Variants in POU2F1 observed in about 807,000 individuals in gnomAD.
The protein encoded by POU2F1 is POU class 2 homeobox 1.
In POU2F1, 16 loss-of-function variants were observed where a neutral mutation model predicts 84.9. That is an observed-to-expected ratio of 0.19 (90% confidence interval 0.13 to 0.29). The LOEUF is 0.29. POU2F1 is among the 10% of genes least tolerant of loss of function. POU2F1 has a pLI of 1.00. For missense variants in POU2F1, 738 were observed against 942.6 expected (o/e 0.78, Z 2.84); for synonymous variants, 368 against 368.3 (o/e 1.00, Z 0.01).
At chr1:167,251,415 AAAT>A (rs145800862) in intron 1 of POU2F1, among the ~76,000 whole-genome samples, 3,853 of 138,452 alleles carry the variant, frequency 0.028, 158 homozygotes, top group African/African-American at 0.1. Flanking sequence ...ACAAACAAAT[AAAT>A]AAATAAATAA....
intron 1 of POU2F1, among the ~76,000 whole-genome samples, chr1:167,327,097 G>A (rs1320136851): frequency 6.6e-6 from 1 of 152,000 alleles, no homozygotes; most frequent in Non-Finnish European, 1.5e-5. Flanking sequence ...TTTGAAATTT[G>A]TGTTCTCTTC....
In POU2F1 at chr1:167,374,267, C is replaced by T. The variant is rs141125384; in HGVS notation, c.562C>T (p.Pro188Ser). ...TGCTGCCACGCCCATGACGCAGATC[C>T]CCCTGTCTCAGCCCATACAGATCGC... ...ASAATPMTQI[P>S]LSQPIQIAQD... The change falls in exon 6 of 16, where the codon CCC becomes TCC. Residue 188 changes from proline (P) to serine (S), a missense_variant. Coordinates refer to ENST00000367866, the MANE Select transcript of POU2F1 (RefSeq NM_002697.4). 6.2e-7 allele frequency: 1 copy of T among 1,612,746 alleles called. No homozygotes were observed.
At position 167,361,404 on chromosome 1, in the gene POU2F1, A is replaced by C. The variant is rs535538037; in HGVS notation, c.128-4063A>C. 3.0e-4 allele frequency among the ~76,000 whole-genome samples: 45 copies of C among 152,186 alleles called. 1 individual carries two copies. The South Asian group carries it at 9.3e-3, about 32-fold the overall frequency. ...ATAAAGGGATGTTAGATTTTATTGA[A>C]TGCTTTTTTCTGGTTCTATTGTGAT... On this transcript the variant is annotated intron_variant, in intron 2 of 15. Coordinates refer to ENST00000367866, the MANE Select transcript of POU2F1 (RefSeq NM_002697.4).
At chr1:167,350,813 A>G (rs1395124983) in intron 2 of POU2F1, among the ~76,000 whole-genome samples, 2 of 152,130 alleles carry the variant, frequency 1.3e-5, no homozygotes, top group Non-Finnish European at 2.9e-5. Flanking sequence ...AGCCTGACCA[A>G]CATGGAGAAA....
In POU2F1 at chr1:167,418,462, CATA is replaced by C. The variant is rs1403488478; in HGVS notation, c.*2658_*2660del. ...GGCTATCAGTAATGCTGTAGCTGCCCATAATAATGAGTCCCTCCCTTGGGAGTG... is the reference window on the plus strand; with the variant it reads ...GGCTATCAGTAATGCTGTAGCTGCCCATAATGAGTCCCTCCCTTGGGAGTG... On this transcript the variant is annotated 3_prime_UTR_variant, in exon 16 of 16. Transcript: ENST00000367866. The C allele has an allele frequency of 6.6e-6, 1 of 152,150 alleles. No homozygotes were observed. The highest frequency in any genetic ancestry group is 1.9e-4 in the East Asian group (1 of 5,194). The allele number at this position is 152,150 out of a possible 1,614,324, so 9.4% of individuals were successfully genotyped here. A position where few individuals can be genotyped will look rare whatever the true frequency, so the allele number is the denominator to read the frequency against.
intron 1 of POU2F1, among the ~76,000 whole-genome samples, chr1:167,295,494 T>C (rs887957387): frequency 1.3e-5 from 2 of 152,160 alleles, no homozygotes; most frequent in Non-Finnish European, 2.9e-5. Flanking sequence ...TGCAAGTGCA[T>C]ACAGTGATAT....
intron 1 of POU2F1, among the ~76,000 whole-genome samples, chr1:167,325,715 C>A (rs530109379): frequency 9.9e-4 from 151 of 152,054 alleles, no homozygotes; most frequent in Non-Finnish European, 1.8e-3. Flanking sequence ...CATGGTGAAA[C>A]CCGTCTCTAC....
chr1:167,263,661 A>C (rs185535632), intron 1 of POU2F1, among the ~76,000 whole-genome samples: 1 of 152,200 alleles, frequency 6.6e-6, no homozygotes, highest in Non-Finnish European at 1.5e-5. Flanking sequence ...CAAAGCCTTC[A>C]GTATCTCTCC....
At chr1:167,385,001 A>G (rs1041740210) in intron 8 of POU2F1, among the ~76,000 whole-genome samples, 2 of 152,188 alleles carry the variant, frequency 1.3e-5, no homozygotes, top group African/African-American at 4.8e-5. Context: ...TGAGCTTAGC[A>G]AGTATGATAC....
chr1:167,277,689 A>G (rs568113853), intron 1 of POU2F1, among the ~76,000 whole-genome samples: 141 of 152,128 alleles, frequency 9.3e-4, no homozygotes, highest in African/African-American at 3.3e-3. Context: ...ACGACCCAGC[A>G]ATTATATCTA....
intron 3 of POU2F1, among the ~76,000 whole-genome samples, chr1:167,369,402 G>A (rs1022235598): frequency 6.6e-6 from 1 of 152,128 alleles, no homozygotes; most frequent in African/African-American, 2.4e-5. Flanking sequence ...TATCATTGGA[G>A]ACATAGCTGA....
chr1:167,365,410 A>T, intron 2 of POU2F1, 57 bp from the exon 3 acceptor site: 1 of 1,317,758 alleles, frequency 7.6e-7, no homozygotes, highest in Non-Finnish European at 1.0e-6. Flanking sequence ...ACTGAAATCT[A>T]GTGCTTTATT....
intron 1 of POU2F1, among the ~76,000 whole-genome samples, chr1:167,253,410 C>T (rs1650888178): frequency 7.2e-6 from 1 of 138,888 alleles, no homozygotes; most frequent in Non-Finnish European, 1.5e-5. Context: ...GAGAGTGGAA[C>T]TTGGGATTAT....
chr1:167,352,768 G>C (rs72693637), intron 2 of POU2F1, among the ~76,000 whole-genome samples: 1 of 152,102 alleles, frequency 6.6e-6, no homozygotes, highest in African/African-American at 2.4e-5. Flanking sequence ...TTAGTATAGC[G>C]GGCTTGAGAT....
At chr1:167,293,929 C>A in intron 1 of POU2F1, among the ~76,000 whole-genome samples, 1 of 152,084 alleles carries the variant, frequency 6.6e-6, no homozygotes, top group Admixed American at 6.5e-5. Context: ...AACTGGATTC[C>A]TATCTCTCAC....
intron 1 of POU2F1, among the ~76,000 whole-genome samples, chr1:167,242,080 C>G (rs1303871718): frequency 6.6e-6 from 1 of 152,116 alleles, no homozygotes; most frequent in Non-Finnish European, 1.5e-5. Flanking sequence ...GGATTTTGGA[C>G]CTAAGTTACC....
At chr1:167,280,611 A>T (rs1181581852) in intron 1 of POU2F1, among the ~76,000 whole-genome samples, 1 of 152,160 alleles carries the variant, frequency 6.6e-6, no homozygotes, top group Non-Finnish European at 1.5e-5. Flanking sequence ...TGTGTTACAG[A>T]TCAGTTTTGC....
intron 1 of POU2F1, among the ~76,000 whole-genome samples, chr1:167,260,676 C>T (rs1034020268): frequency 2.6e-5 from 4 of 152,138 alleles, no homozygotes; most frequent in African/African-American, 9.7e-5. Flanking sequence ...TACACATGTT[C>T]TACATTTCTT....
rs1649224315 is a variant in POU2F1, at chr1:167,401,765, AT to A, written c.1555+211del. On this transcript the variant is annotated intron_variant, in intron 13 of 15. Transcript: ENST00000367866. ...TTCAGAAAAACCTCCAAGTTTGTCA[AT>A]TCGTGAAGGTTATTTCCGGTCTGAA... is the stretch of plus-strand genomic sequence containing the variant. 1.1e-4 allele frequency among the ~76,000 whole-genome samples: 16 copies of A among 152,366 alleles called. No homozygotes were observed. In the South Asian group the frequency reaches 3.3e-3, roughly 32 times the overall value.
Sources: gnomAD v4.1 joint callset for allele counts (sites outside exome capture counted in the v4.1 genomes callset) on GRCh38, gnomAD v4.1.1 for gene constraint, MANE v1.5 for transcripts, NCBI Gene and HGNC (gene_info 2026-07-23, HGNC 2026-07-21) for gene names.